The following OTUD7B variants were observed in gnomAD, a reference collection of about 807,000 sequenced individuals.
OTUD7B encodes the protein OTU domain-containing protein 7B.
Under a neutral mutation model 82.2 loss-of-function variants are expected in OTUD7B, and 34 were observed. The ratio of observed to expected loss-of-function variants is 0.41; its 90% CI spans 0.31 to 0.55. The LOEUF is 0.55. Ranked by LOEUF, OTUD7B falls within the 20% of genes least tolerant of loss-of-function variation. The pLI, the probability that OTUD7B is intolerant of heterozygous loss-of-function variation, is 0.20. For missense variants in OTUD7B, 944 were observed against 1,062.1 expected (o/e 0.89, Z 1.55); for synonymous variants, 398 against 402.7 (o/e 0.99, Z 0.14).
the OTUD7B span, among the ~76,000 whole-genome samples, chr1:150,055,840 T>A: frequency 0.022 from 3,339 of 152,184 alleles, 113 homozygotes; most frequent in African/African-American, 0.074. Context: ...TGATGAGAAC[T>A]AATGAACACA....
chr1:149,959,303 C>T (rs919596645), intron 7 of OTUD7B, among the ~76,000 whole-genome samples: 4 of 152,088 alleles, frequency 2.6e-5, no homozygotes, highest in Non-Finnish European at 4.4e-5. Context: ...TGGGCTCACA[C>T]GATCCTCCTG....
chr1:150,035,335 A>T, the OTUD7B span, among the ~76,000 whole-genome samples: 1 of 152,296 alleles, frequency 6.6e-6, no homozygotes, highest in South Asian at 2.1e-4. Flanking sequence ...CCAAGAAACG[A>T]GTGGTCATAA....
chr1:149,990,477 T>C (rs79117401), intron 1 of OTUD7B, among the ~76,000 whole-genome samples: 2,739 of 152,324 alleles, frequency 0.018, 44 homozygotes, highest in Middle Eastern at 0.031. Flanking sequence ...GTGAGTTACA[T>C]ACTGGTTTCA....
intron 5 of OTUD7B, 125 bp from the exon 6 acceptor site, chr1:149,964,474 C>A (rs1231718218): frequency 1.2e-6 from 1 of 852,058 alleles, no homozygotes; most frequent in Non-Finnish European, 1.8e-6. Flanking sequence ...TCAAGTGACC[C>A]CCCTGCCTTA....
In OTUD7B at chr1:149,941,503, G is replaced by A. The variant is rs1417963522; in HGVS notation, c.*2354C>T. On this transcript the variant is annotated 3_prime_UTR_variant, in exon 12 of 12. Transcript: ENST00000581312. ...ACAGAAACAGGGACGTAACTAGGGTGAGGTGAGCAAAGCACTCACCTTGGG... is the reference window on the plus strand; with the variant it reads ...ACAGAAACAGGGACGTAACTAGGGTAAGGTGAGCAAAGCACTCACCTTGGG... The A allele has an allele frequency of 5.3e-5, 8 of 152,216 alleles. No individual in the cohort carries two copies. Among genetic ancestry groups the A allele is most frequent in the Non-Finnish European group, 7.3e-5 (5 of 68,032 alleles). The allele number at this position is 152,216 out of a possible 1,614,324, so 9.4% of individuals were successfully genotyped here. A position where few individuals can be genotyped will look rare whatever the true frequency, so the allele number is the denominator to read the frequency against.
chr1:149,978,311 A>G (rs1432472671), intron 1 of OTUD7B, among the ~76,000 whole-genome samples: 1 of 152,220 alleles, frequency 6.6e-6, no homozygotes, highest in Non-Finnish European at 1.5e-5. Flanking sequence ...GTTTGAGACC[A>G]GCCTGGCCAA....
the OTUD7B span, among the ~76,000 whole-genome samples, chr1:150,024,081 A>C: frequency 1.9e-4 from 29 of 152,344 alleles, no homozygotes; most frequent in African/African-American, 6.5e-4. Flanking sequence ...ATTTCTCAAT[A>C]GAGTGCCACT....
At chr1:149,959,558 C>T in intron 7 of OTUD7B, 126 bp downstream of exon 7, 1 of 661,496 alleles carries the variant, frequency 1.5e-6, no homozygotes, top group Non-Finnish European at 2.7e-6. Flanking sequence ...CACTTTTGTG[C>T]CCTTAGCATA....
At chr1:149,965,378 A>C (rs1649458725) in intron 5 of OTUD7B, among the ~76,000 whole-genome samples, 1 of 152,172 alleles carries the variant, frequency 6.6e-6, no homozygotes, top group African/African-American at 2.4e-5. Context: ...AAACTAAATA[A>C]ATAAATAAAA....
chr1:149,950,286 A>T (rs1648090662), intron 7 of OTUD7B, 65 bp from the exon 8 acceptor site: 2 of 1,510,474 alleles, frequency 1.3e-6, no homozygotes, highest in South Asian at 1.2e-5. Context: ...GAAACAGGAG[A>T]CCCTGAAGAC....
chr1:149,944,955 G>A lies in OTUD7B; in HGVS notation c.1434C>T (p.Ser478=). The A allele has an allele frequency of 6.2e-7, 1 of 1,614,178 alleles. No homozygotes were observed. Among genetic ancestry groups the A allele is most frequent in the Non-Finnish European group, 8.5e-7 (1 of 1,180,038 alleles). Residue 478 remains serine, a synonymous_variant, in exon 12 of 12, where the codon AGC becomes AGT. Coordinates refer to ENST00000581312, the MANE Select transcript of OTUD7B (RefSeq NM_020205.4). The part of the protein sequence containing the change: ...DKESVGSSST[S]NEGGRRKEKS... ...TCTCCTTCCGCCGGCCGCCCTCGTT[G>A]CTGGTGGAACTGCTGCCAACTGACT...
Position 149,940,191 on chromosome 1 carries a change from T to C in OTUD7B, c.*3666A>G, listed in dbSNP as rs1319528155. 1.3e-5 allele frequency: 2 copies of C among 150,850 alleles called. No individual in the cohort carries two copies. The highest frequency in any genetic ancestry group is 2.5e-5 in the African/African-American group (1 of 40,692). 9.3% of individuals were successfully genotyped at this position (150,850 alleles called of 1,614,324 possible). A position where few individuals can be genotyped will look rare whatever the true frequency, so the allele number is the denominator to read the frequency against. Reference sequence around the variant, plus strand: ...ACACGAAGTCACTGCTAATTCTTGTTTGTCTGTGGGCCTTAGTTTCGCTTG... The same window carrying C: ...ACACGAAGTCACTGCTAATTCTTGTCTGTCTGTGGGCCTTAGTTTCGCTTG... On this transcript the variant is annotated 3_prime_UTR_variant, in exon 12 of 12. Transcript: ENST00000581312.
chr1:149,947,503 T>C (rs1217440080), intron 10 of OTUD7B, among the ~76,000 whole-genome samples, 168 bp from the exon 11 acceptor site: 2 of 152,200 alleles, frequency 1.3e-5, no homozygotes, highest in Non-Finnish European at 2.9e-5. Flanking sequence ...AGCAAGTCAC[T>C]TCAACCTCCC....
chr1:150,059,439 G>A, the OTUD7B span, among the ~76,000 whole-genome samples: 6 of 149,468 alleles, frequency 4.0e-5, no homozygotes, highest in Non-Finnish European at 7.4e-5. Flanking sequence ...GCGCAATCTC[G>A]GCTCACCGCC....
At chr1:150,007,581 CAT>C (rs1355764341) in intron 1 of OTUD7B, among the ~76,000 whole-genome samples, 1 of 152,322 alleles carries the variant, frequency 6.6e-6, no homozygotes, top group East Asian at 1.9e-4. Flanking sequence ...AGCAAAGACA[CAT>C]GTCTTTACAT....
chr1:149,978,871 A>G (rs922617752), intron 1 of OTUD7B, among the ~76,000 whole-genome samples: 6 of 152,236 alleles, frequency 3.9e-5, no homozygotes, highest in African/African-American at 1.4e-4. Flanking sequence ...TGCCAGGTAC[A>G]CTTGCCCTAC....
intron 3 of OTUD7B, among the ~76,000 whole-genome samples, chr1:149,968,722 G>C (rs1181091959): frequency 3.3e-5 from 5 of 151,990 alleles, no homozygotes; most frequent in Non-Finnish European, 2.9e-5. Flanking sequence ...GTTTGTTTTT[G>C]TTCTTTGAGA....
rs1193631627 is a variant in OTUD7B at position 149,940,768 on chromosome 1, G to GT, written c.*3088dup. ...CCCTTCTTTCCTTCTCCCCAACCCA[G>GT]TAACGACATGGGCTTGCCTCTTCTA... is the stretch of plus-strand genomic sequence containing the variant. On this transcript the variant is annotated 3_prime_UTR_variant, in exon 12 of 12. Transcript: ENST00000581312. 4.0e-5 allele frequency: 6 copies of GT among 151,880 alleles called. No individual in the cohort carries two copies. The highest frequency in any genetic ancestry group is 8.8e-5 in the Non-Finnish European group (6 of 67,996). 9.4% of individuals were successfully genotyped at this position (151,880 alleles called of 1,614,324 possible).
At chr1:149,950,041 G>A in intron 8 of OTUD7B, 53 bp downstream of exon 8, 1 of 1,607,890 alleles carries the variant, frequency 6.2e-7, no homozygotes, top group Admixed American at 1.7e-5. Flanking sequence ...TTAGCCTAAG[G>A]CTTTGCAAAA....
Sources: allele counts gnomAD v4.1 joint callset (sites outside exome capture counted in the v4.1 genomes callset), GRCh38; gene constraint gnomAD v4.1.1; transcripts MANE v1.5; gene names NCBI Gene and HGNC (gene_info 2026-07-23, HGNC 2026-07-21).